Variants in CFAP70 observed in about 807,000 individuals in gnomAD.
CFAP70 encodes cilia- and flagella-associated protein 70.
A neutral mutation model predicts 137.6 loss-of-function variants in CFAP70; 81 were observed. That is an observed-to-expected ratio of 0.59 (90% CI 0.49 to 0.71). CFAP70 has a LOEUF of 0.71. Ranked by LOEUF, CFAP70 falls within the 30% of genes least tolerant of loss-of-function variation. CFAP70 has a pLI of 0.00. For synonymous variants in CFAP70, 382 were observed against 423.6 expected (o/e 0.90, Z 1.20); for missense variants, 976 against 1,226.7 (o/e 0.80, Z 3.05).
chr10:73,352,791 C>T (rs1159203911), intron 3 of CFAP70, among the ~76,000 whole-genome samples: 1 of 152,132 alleles, frequency 6.6e-6, no homozygotes, highest in Admixed American at 6.5e-5. Flanking sequence ...CTAAGTACAC[C>T]TTTAACTATA....
At chr10:73,269,434 C>T (rs2046056951) in intron 25 of CFAP70, among the ~76,000 whole-genome samples, 180 bp downstream of exon 26, 1 of 152,168 alleles carries the variant, frequency 6.6e-6, no homozygotes, top group South Asian at 2.1e-4. Context: ...TATTTTTAAG[C>T]ATGTTCCAAG....
intron 3 of CFAP70, among the ~76,000 whole-genome samples, chr10:73,351,045 ATGTGTGTG>A (rs776068868): frequency 4.4e-5 from 3 of 68,550 alleles, no homozygotes; most frequent in Non-Finnish European, 5.8e-5. Flanking sequence ...GTGTGTATAT[ATGTGTGTG>A]TGTGTGTGTG....
chr10:73,302,883 C>CTTTTTTTTTT (rs1554895440), intron 12 of CFAP70, among the ~76,000 whole-genome samples: 2 of 131,002 alleles, frequency 1.5e-5, no homozygotes, highest in Non-Finnish European at 3.2e-5. Context: ...CTTTTCTTTT[C>CTTTTTTTTTT]TTTTTTTTTT....
At chr10:73,309,948 G>A (rs978748966) in intron 12 of CFAP70, among the ~76,000 whole-genome samples, 6 of 151,878 alleles carry the variant, frequency 4.0e-5, no homozygotes, top group Non-Finnish European at 5.9e-5. Flanking sequence ...ATGAGCCACC[G>A]CACCCAGCTT....
intron 25 of CFAP70, among the ~76,000 whole-genome samples, chr10:73,264,022 A>G (rs1029962142): frequency 5.3e-5 from 8 of 152,140 alleles, no homozygotes; most frequent in African/African-American, 1.9e-4. Context: ...ATTTATTTGG[A>G]TGCTCAAATT....
chr10:73,339,138 C>T (rs1233967627), intron 6 of CFAP70, among the ~76,000 whole-genome samples: 2 of 151,776 alleles, frequency 1.3e-5, no homozygotes, highest in Admixed American at 6.6e-5. Context: ...AGGCTAATCT[C>T]GAACTCCTGA....
intron 12 of CFAP70, among the ~76,000 whole-genome samples, chr10:73,308,887 T>C (rs990202335): frequency 2.0e-5 from 3 of 148,750 alleles, no homozygotes; most frequent in Non-Finnish European, 4.4e-5. Flanking sequence ...AAAGCAGTGC[T>C]CAGAGGGAAA....
At chr10:73,314,034 T>A (rs1457635770) in intron 9 of CFAP70, among the ~76,000 whole-genome samples, 1 of 152,180 alleles carries the variant, frequency 6.6e-6, no homozygotes, top group African/African-American at 2.4e-5. Context: ...TTTACAACAA[T>A]TTTTCCCTAA....
Position 73,275,329 on chromosome 10 carries a change from T to A in CFAP70, c.2673+117A>T. ...AATGGAAGGGTATAGAGAGATGAGT[T>A]TACTGACAGCTGATGACCACCCTTC... On this transcript the variant is annotated intron_variant, in intron 22 of 26. Transcript: ENST00000310715. The surrounding 1 kb of genome is among the most constrained non-coding windows in gnomAD (Gnocchi z 4.0). The A allele has an allele frequency of 8.2e-7, 1 of 1,222,596 alleles. No individual in the cohort carries two copies. Among genetic ancestry groups the A allele is most frequent in the Middle Eastern group, 2.5e-4 (1 of 4,070 alleles). The allele number at this position is 1,222,596 out of a possible 1,614,324, so 75.7% of individuals were successfully genotyped here.
chr10:73,312,673 G>A (rs1489421757), intron 9 of CFAP70, 30 bp from the exon 11 acceptor site: 2 of 1,514,160 alleles, frequency 1.3e-6, no homozygotes, highest in African/African-American at 1.4e-5. Context: ...ACAAAAAAAA[G>A]CAATACATGA....
intron 8 of CFAP70, among the ~76,000 whole-genome samples, chr10:73,324,669 T>G (rs559198422): frequency 6.6e-6 from 1 of 152,068 alleles, no homozygotes; most frequent in African/African-American, 2.4e-5. Context: ...AAGCCAAGGC[T>G]CGAGAACTAC....
intron 12 of CFAP70, among the ~76,000 whole-genome samples, chr10:73,308,345 A>G (rs1258991981): frequency 6.6e-6 from 1 of 151,760 alleles, no homozygotes; most frequent in Non-Finnish European, 1.5e-5. Flanking sequence ...GATTGAAATC[A>G]TGGCTGAGCA....
upstream of CFAP70, among the ~76,000 whole-genome samples, chr10:73,360,419 G>T (rs1001307114): frequency 6.6e-6 from 1 of 152,128 alleles, no homozygotes; most frequent in African/African-American, 2.4e-5. Flanking sequence ...GTGCAATAAA[G>T]TGTTAACTAT....
intron 8 of CFAP70, among the ~76,000 whole-genome samples, chr10:73,325,352 G>A (rs1357356371): frequency 6.6e-6 from 1 of 152,124 alleles, no homozygotes; most frequent in African/African-American, 2.4e-5. Flanking sequence ...AACATGGAAA[G>A]GAACAACCGG....
chr10:73,265,449 A>C (rs1280605444), intron 25 of CFAP70, among the ~76,000 whole-genome samples: 1 of 152,106 alleles, frequency 6.6e-6, no homozygotes, highest in Non-Finnish European at 1.5e-5. Flanking sequence ...ACTGAAAATC[A>C]TTCCACATCA....
intron 3 of CFAP70, 99 bp downstream of exon 3, chr10:73,353,457 T>C: frequency 9.2e-7 from 1 of 1,085,290 alleles, no homozygotes; most frequent in Non-Finnish European, 1.3e-6. Context: ...ATGATTTTAG[T>C]TACATGTTTA....
At chr10:73,353,591 A>T (rs1288363931) in exon 3 of CFAP70, 3 of 1,614,160 alleles carry the variant, frequency 1.9e-6, no homozygotes, top group Non-Finnish European at 2.5e-6. Context: ...ATCTGAAGTG[A>T]TTCCTCCTTC....
intron 24 of CFAP70, 83 bp from the exon 26 acceptor site, chr10:73,269,798 A>G (rs1431071664): frequency 2.7e-6 from 2 of 737,954 alleles, no homozygotes; most frequent in Non-Finnish European, 4.7e-6. Context: ...ACCTATACCA[A>G]TGGTTTTCAA....
intron 9 of CFAP70, among the ~76,000 whole-genome samples, chr10:73,319,167 C>T (rs970273203): frequency 1.3e-5 from 2 of 152,150 alleles, no homozygotes; most frequent in African/African-American, 4.8e-5. Flanking sequence ...AGAAACTAAA[C>T]ATAACGTCTT....
Sources: gnomAD v4.1 joint callset for allele counts (sites outside exome capture counted in the v4.1 genomes callset) on GRCh38, gnomAD v4.1.1 for gene constraint, Gnocchi (gnomAD v3.1) non-coding constraint, MANE v1.5 for transcripts, NCBI Gene and HGNC (gene_info 2026-07-23, HGNC 2026-07-21) for gene names.